Variants in ESR1 observed in about 807,000 individuals in gnomAD.
ESR1 encodes the protein estrogen receptor 1, also known as estrogen receptor.
In ESR1, 12 loss-of-function variants were observed where a neutral mutation model predicts 52.7. The observed-to-expected ratio is 0.23, with a 90% CI of 0.15 to 0.37. ESR1 has a LOEUF of 0.37. Ranked by LOEUF, ESR1 falls within the 10% of genes least tolerant of loss-of-function variation. ESR1 has a pLI of 1.00. For synonymous variants in ESR1, 305 were observed against 316.8 expected (o/e 0.96, Z 0.39); for missense variants, 584 against 779.7 (o/e 0.75, Z 2.99).
intron 2 of ESR1, among the ~76,000 whole-genome samples, chr6:151,853,169 C>CAAAAAAAAAAAAAAAAAAAAA (rs386408969): frequency 4.7e-5 from 2 of 42,880 alleles, no homozygotes; most frequent in Admixed American, 4.0e-4. Context: ...AGACTCGTCT[C>CAAAAAAAAAAAAAAAAAAAAA]AAAAAAAAAA....
At chr6:151,657,860 A>G (rs1345861890) in intron 1 of ESR1, among the ~76,000 whole-genome samples, 1 of 152,068 alleles carries the variant, frequency 6.6e-6, no homozygotes, top group Non-Finnish European at 1.5e-5. Context: ...CATATCATCC[A>G]ATCTAATATC....
intron 3 of ESR1, among the ~76,000 whole-genome samples, chr6:151,913,673 T>G (rs1006424087): frequency 6.6e-6 from 1 of 152,188 alleles, no homozygotes; most frequent in African/African-American, 2.4e-5. Context: ...AGTCCATACA[T>G]CTTCAGTTTT....
intron 6 of ESR1, among the ~76,000 whole-genome samples, chr6:152,082,636 T>G (rs59449370): frequency 0.016 from 2,413 of 152,246 alleles, 67 homozygotes; most frequent in African/African-American, 0.055. Context: ...GAGAAAGAAA[T>G]AAAGGGTATT....
chr6:151,768,662 G>GA (rs200318562), intron 2 of ESR1, among the ~76,000 whole-genome samples: 1,662 of 150,482 alleles, frequency 0.011, 16 homozygotes, highest in Middle Eastern at 0.024. Context: ...AAACATCTCA[G>GA]AAAAAAAAAT....
chr6:151,933,982 T>A (rs1466339197), intron 3 of ESR1, among the ~76,000 whole-genome samples: 2 of 152,220 alleles, frequency 1.3e-5, no homozygotes, highest in African/African-American at 4.8e-5. Flanking sequence ...ATAAACCCTA[T>A]CATTGGCACT....
intron 2 of ESR1, among the ~76,000 whole-genome samples, chr6:151,854,649 C>T: frequency 6.6e-6 from 1 of 152,066 alleles, no homozygotes; most frequent in East Asian, 1.9e-4. Flanking sequence ...TTAGGAAGTA[C>T]AGAGTGAATG....
At chr6:151,689,176 G>A (rs548457885), upstream of ESR1, among the ~76,000 whole-genome samples, 84 of 152,196 alleles carry the variant, frequency 5.5e-4, no homozygotes, top group South Asian at 1.0e-3. Context: ...TGTTTGAAAA[G>A]CATACTTCAC....
intron 4 of ESR1, among the ~76,000 whole-genome samples, chr6:151,968,600 CCT>C (rs1554296605): frequency 6.6e-6 from 1 of 151,900 alleles, no homozygotes; most frequent in Non-Finnish European, 1.5e-5. Flanking sequence ...TCTCTTGTGT[CCT>C]CTCTTTCTTT....
chr6:151,869,755 TA>T (rs1296037012), intron 2 of ESR1, among the ~76,000 whole-genome samples: 1 of 152,212 alleles, frequency 6.6e-6, no homozygotes, highest in Non-Finnish European at 1.5e-5. Context: ...ATTCCTTTTT[TA>T]AAAATTTTTT....
At chr6:151,740,285 A>ATTTTTTTTTTTTTTTTTTT (rs386408967) in intron 2 of ESR1, among the ~76,000 whole-genome samples, 5 of 108,006 alleles carry the variant, frequency 4.6e-5, no homozygotes, top group Non-Finnish European at 5.4e-5. Context: ...TGCCTGGCTA[A>ATTTTTTTTTTTTTTTTTTT]TTTTTTTTTT....
rs114554845 is a variant in ESR1 at position 151,954,272 on chromosome 6, C to T, written c.1096+9764C>T. Reference sequence around the variant, plus strand: ...TCTCCCTTGTAAGTAAATTGCTTGACGTGTTAAAATCTAAGTTCTGTTTTA... The same window carrying T: ...TCTCCCTTGTAAGTAAATTGCTTGATGTGTTAAAATCTAAGTTCTGTTTTA... On this transcript the variant is annotated intron_variant, in intron 4 of 7. Coordinates refer to ENST00000206249, the MANE Select transcript of ESR1 (RefSeq NM_000125.4). Among the ~76,000 whole-genome samples the T allele has an allele frequency of 9.4e-3, 1,428 of 152,242 alleles. 12 individuals carry two copies. Among genetic ancestry groups the T allele is most frequent in the African/African-American group, 0.033 (1,376 of 41,512 alleles).
chr6:152,007,792 C>T lies in ESR1; in HGVS notation c.1097-3864C>T, dbSNP rs533485360. On this transcript the variant is annotated intron_variant, in intron 4 of 7. Coordinates refer to ENST00000206249, the MANE Select transcript of ESR1 (RefSeq NM_000125.4). ...TGAATCACCTCTCACTTGCCACCTGCGAGAATGTCTATCACTGATACCTCT... is the reference window on the plus strand; with the variant it reads ...TGAATCACCTCTCACTTGCCACCTGTGAGAATGTCTATCACTGATACCTCT... 3.9e-5 allele frequency among the ~76,000 whole-genome samples: 6 copies of T among 152,174 alleles called. No individual in the cohort carries two copies. In the South Asian group the frequency reaches 6.2e-4, roughly 16 times the overall value.
intron 4 of ESR1, among the ~76,000 whole-genome samples, chr6:151,999,297 C>T (rs1234013738): frequency 6.6e-6 from 1 of 152,026 alleles, no homozygotes; most frequent in Non-Finnish European, 1.5e-5. Flanking sequence ...TACATTTAAT[C>T]TTCAAATCTT....
chr6:152,085,055 T>C (rs899181719), intron 6 of ESR1, among the ~76,000 whole-genome samples: 1 of 152,204 alleles, frequency 6.6e-6, no homozygotes, highest in Non-Finnish European at 1.5e-5. Context: ...GCATTGAAAT[T>C]CTATTCCACC....
At chr6:151,691,486 G>C (rs899237879) in intron 1 of ESR1, among the ~76,000 whole-genome samples, 2 of 152,166 alleles carry the variant, frequency 1.3e-5, no homozygotes, top group Admixed American at 6.5e-5. Flanking sequence ...AAGTCCGTAG[G>C]AGCCAACATG....
chr6:152,028,517 G>A (rs547548830), intron 5 of ESR1, among the ~76,000 whole-genome samples: 1 of 152,298 alleles, frequency 6.6e-6, no homozygotes, highest in South Asian at 2.1e-4. Flanking sequence ...TGGCTCAGAG[G>A]GTCCTACACC....
intron 2 of ESR1, among the ~76,000 whole-genome samples, chr6:151,769,783 G>A (rs188240624): frequency 9.9e-4 from 151 of 152,256 alleles, no homozygotes; most frequent in African/African-American, 3.4e-3. Context: ...AAGCTTCAGA[G>A]GAAATAAGAG....
chr6:151,866,687 A>G (rs1238513262), intron 2 of ESR1, among the ~76,000 whole-genome samples: 2 of 152,120 alleles, frequency 1.3e-5, no homozygotes, highest in Non-Finnish European at 2.9e-5. Flanking sequence ...ATAGTATTCC[A>G]TGGTGTATAT....
intron 3 of ESR1, among the ~76,000 whole-genome samples, chr6:151,931,979 A>G (rs369575048): frequency 2.0e-5 from 3 of 149,310 alleles, no homozygotes; most frequent in South Asian, 2.2e-4. Flanking sequence ...GTAATGGGAT[A>G]GCTGGGTCAA....
Sources: gnomAD v4.1 joint callset for allele counts (sites outside exome capture counted in the v4.1 genomes callset) on GRCh38, gnomAD v4.1.1 for gene constraint, MANE v1.5 for transcripts, NCBI Gene and HGNC (gene_info 2026-07-23, HGNC 2026-07-21) for gene names.